The following ABCE1 variants were observed in gnomAD, a reference collection of about 807,000 sequenced individuals.
ABCE1 encodes ATP binding cassette subfamily E member 1, also known as ATP-binding cassette sub-family E member 1.
A neutral mutation model predicts 83.4 loss-of-function variants in ABCE1; 22 were observed. That is an observed-to-expected ratio of 0.26 (90% confidence interval 0.19 to 0.38). The LOEUF (loss-of-function observed/expected upper bound fraction) is 0.38. ABCE1 is among the 10% of genes least tolerant of loss of function. The probability of loss-of-function intolerance (pLI) is 1.00; values close to 1 mark genes in which losing one functional copy is unlikely to be tolerated. For synonymous variants in ABCE1, 204 were observed against 233.7 expected (o/e 0.87, Z 1.16); for missense variants, 330 against 721.9 (o/e 0.46, Z 6.22).
At chr4:145,120,695 A>G (rs1749717684) in intron 11 of ABCE1, among the ~76,000 whole-genome samples, 1 of 152,124 alleles carries the variant, frequency 6.6e-6, no homozygotes, top group East Asian at 1.9e-4. Context: ...TTGTAATCTT[A>G]CAGCTTACAA....
intron 1 of ABCE1, among the ~76,000 whole-genome samples, chr4:145,099,034 A>G (rs1367204410): frequency 6.6e-6 from 1 of 152,200 alleles, no homozygotes; most frequent in African/African-American, 2.4e-5. Context: ...TAGAAATCCT[A>G]TAGTTTTTTT....
At chr4:145,111,238 T>C (rs1475341997) in intron 8 of ABCE1, 174 bp downstream of exon 8, 9 of 454,226 alleles carry the variant, frequency 2.0e-5, no homozygotes, top group Non-Finnish European at 3.1e-5. Flanking sequence ...TTCCCTGTTA[T>C]ATTCACAGGG....
At chr4:145,109,378 A>G in intron 5 of ABCE1, 129 bp downstream of exon 5, 1 of 536,986 alleles carries the variant, frequency 1.9e-6, no homozygotes, top group Non-Finnish European at 3.1e-6. Flanking sequence ...TGAGAAATTT[A>G]TAAACAAAGC....
At chr4:145,111,619 G>A (rs1387354013) in intron 8 of ABCE1, among the ~76,000 whole-genome samples, 1 of 152,132 alleles carries the variant, frequency 6.6e-6, no homozygotes, top group African/African-American at 2.4e-5. Flanking sequence ...GAGCCACCAC[G>A]CCTGGCCTAA....
At chr4:145,126,575 G>A (rs907216411) in intron 17 of ABCE1, among the ~76,000 whole-genome samples, 3 of 152,142 alleles carry the variant, frequency 2.0e-5, no homozygotes, top group African/African-American at 7.2e-5. Context: ...GATTACAGGC[G>A]TGAGCCACCA....
At chr4:145,127,403 G>A in intron 17 of ABCE1, 123 bp from the exon 18 acceptor site, 2 of 798,666 alleles carry the variant, frequency 2.5e-6, no homozygotes, top group Non-Finnish European at 2.0e-6. Context: ...CAGATGGTAT[G>A]TGCAGAACAG....
At chr4:145,103,160 G>A (rs1235220814) in intron 1 of ABCE1, among the ~76,000 whole-genome samples, 3 of 152,140 alleles carry the variant, frequency 2.0e-5, no homozygotes, top group African/African-American at 7.2e-5. Context: ...GCGTCGAGGA[G>A]CAAGATCTCT....
Position 145,123,477 on chromosome 4 carries a change from G to A in ABCE1, c.1518-1G>A. ...AAGATTTCAAAATCATTGTGTTTTA[G>A]TTTCATACTCCATGCAAAAAAGACA... is the stretch of plus-strand genomic sequence containing the variant. On this transcript the variant is annotated splice_acceptor_variant, in intron 15 of 17. Coordinates refer to ENST00000296577, the MANE Select transcript of ABCE1 (RefSeq NM_002940.3). LOFTEE classifies it high-confidence loss of function. The A allele has an allele frequency of 6.3e-7, 1 of 1,598,568 alleles. No individual in the cohort carries two copies. The highest frequency in any genetic ancestry group is 8.6e-7 in the Non-Finnish European group (1 of 1,167,278).
intron 2 of ABCE1, 107 bp downstream of exon 2, chr4:145,104,622 G>T: frequency 3.0e-6 from 2 of 673,050 alleles, no homozygotes; most frequent in Admixed American, 4.0e-5. Flanking sequence ...TTCACCATTA[G>T]TTTCATAAAA....
chr4:145,109,724 A>G (rs1749410642), intron 5 of ABCE1, among the ~76,000 whole-genome samples: 1 of 152,212 alleles, frequency 6.6e-6, no homozygotes, highest in Non-Finnish European at 1.5e-5. Context: ...AATTGTTCAA[A>G]TAAATCATAA....
intron 16 of ABCE1, chr4:145,123,863 T>C: frequency 4.3e-6 from 1 of 234,346 alleles, no homozygotes; most frequent in East Asian, 8.1e-5. Flanking sequence ...TTTTCTCAGC[T>C]TAACTTTTGT....
chr4:145,123,176 T>C, intron 14 of ABCE1, 39 bp from the exon 15 acceptor site: 1 of 1,587,394 alleles, frequency 6.3e-7, no homozygotes, highest in African/African-American at 1.4e-5. Flanking sequence ...TTTTGAATTT[T>C]GGATGCCTTT....
chr4:145,107,413 T>C (rs1381956673), intron 3 of ABCE1, among the ~76,000 whole-genome samples: 1 of 152,146 alleles, frequency 6.6e-6, no homozygotes, highest in Non-Finnish European at 1.5e-5. Context: ...GGAAAGAATA[T>C]AAAGCCATAT....
intron 11 of ABCE1, 136 bp downstream of exon 11, chr4:145,120,289 A>C (rs1382297499): frequency 1.4e-6 from 1 of 718,508 alleles, no homozygotes. Flanking sequence ...CAAATTTCTT[A>C]GTGTACTTTC....
chr4:145,114,256 A>G (rs947066037), intron 9 of ABCE1, among the ~76,000 whole-genome samples: 4 of 152,132 alleles, frequency 2.6e-5, no homozygotes, highest in African/African-American at 7.2e-5. Flanking sequence ...GGACTTCACA[A>G]TGTGGTAAAG....
At chr4:145,105,018 T>C (rs1394535682) in intron 2 of ABCE1, among the ~76,000 whole-genome samples, 2 of 152,062 alleles carry the variant, frequency 1.3e-5, no homozygotes, top group Non-Finnish European at 2.9e-5. Context: ...AGGGCTATGT[T>C]AAGTAATTGT....
intron 3 of ABCE1, among the ~76,000 whole-genome samples, chr4:145,107,351 A>G (rs967239562): frequency 1.3e-5 from 2 of 152,134 alleles, no homozygotes; most frequent in African/African-American, 2.4e-5. Context: ...TAGAACAGGA[A>G]GTATACAAGG....
intron 16 of ABCE1, among the ~76,000 whole-genome samples, chr4:145,124,228 A>G (rs1397392369): frequency 1.3e-5 from 2 of 152,200 alleles, no homozygotes; most frequent in South Asian, 2.1e-4. Flanking sequence ...GTTTTCACCT[A>G]TAAAACCAGC....
intron 8 of ABCE1, 83 bp downstream of exon 8, chr4:145,111,147 T>C: frequency 1.1e-6 from 1 of 901,944 alleles, no homozygotes; most frequent in Non-Finnish European, 1.7e-6. Context: ...GGAATGGTTT[T>C]GAGAGAAATT....
Sources: allele counts gnomAD v4.1 joint callset (sites outside exome capture counted in the v4.1 genomes callset), GRCh38; gene constraint gnomAD v4.1.1; transcripts MANE v1.5; gene names NCBI Gene and HGNC (gene_info 2026-07-23, HGNC 2026-07-21).